Variants in PCSK1 observed in about 807,000 individuals in gnomAD.
PCSK1 encodes neuroendocrine convertase 1.
PCSK1 carries 56 observed loss-of-function variants against 90.6 expected under a neutral mutation model. The observed-to-expected ratio is 0.62, with a 90% CI of 0.50 to 0.77. The LOEUF (loss-of-function observed/expected upper bound fraction) is 0.77, where lower values mean the gene tolerates loss of function less well. Among genes scored for constraint, PCSK1 ranks in the 30% least tolerant of loss-of-function variants. The pLI is 0.00. For synonymous variants in PCSK1, 348 were observed against 342.4 expected (o/e 1.02, Z -0.18); for missense variants, 801 against 932.6 (o/e 0.86, Z 1.84).
At chr5:96,401,941 A>G (rs1306111423) in intron 9 of PCSK1, among the ~76,000 whole-genome samples, 1 of 152,236 alleles carries the variant, frequency 6.6e-6, no homozygotes, top group African/African-American at 2.4e-5. Context: ...GCTCCTAGTC[A>G]TCAGTCAGAT....
chr5:96,426,136 C>A (rs576511893), intron 2 of PCSK1, among the ~76,000 whole-genome samples: 1 of 152,112 alleles, frequency 6.6e-6, no homozygotes, highest in Non-Finnish European at 1.5e-5. Flanking sequence ...TAAAGTGCAC[C>A]TTTAGGGGGA....
At chr5:96,398,161 C>A (rs1039519781) in intron 11 of PCSK1, among the ~76,000 whole-genome samples, 1 of 152,106 alleles carries the variant, frequency 6.6e-6, no homozygotes, top group African/African-American at 2.4e-5. Context: ...GAAAGCATAA[C>A]TTCAAAATTA....
At position 96,391,965 on chromosome 5, in the gene PCSK1, T is replaced by C. The variant is rs1759959183; in HGVS notation, c.*1036A>G. The C allele has an allele frequency of 6.6e-6, 1 of 152,214 alleles. No individual in the cohort carries two copies. The highest frequency in any genetic ancestry group is 1.5e-5 in the Non-Finnish European group (1 of 68,042). 9.4% of individuals were successfully genotyped at this position (152,214 alleles called of 1,614,324 possible). A position where few individuals can be genotyped will look rare whatever the true frequency, so the allele number is the denominator to read the frequency against. ...AGTGATAGGATTGGAGAAGAACTTTTAGTATCAAGGAATAAACATTCAGTT... is the reference window on the plus strand; with the variant it reads ...AGTGATAGGATTGGAGAAGAACTTTCAGTATCAAGGAATAAACATTCAGTT... On this transcript the variant is annotated 3_prime_UTR_variant, in exon 14 of 14. Transcript: ENST00000311106.
intron 1 of PCSK1, 24 bp downstream of exon 1, chr5:96,432,839 T>C: frequency 1.2e-6 from 2 of 1,610,300 alleles, no homozygotes; most frequent in South Asian, 2.2e-5. Flanking sequence ...CCCCAGAAAG[T>C]TTCTTGAAAG....
chr5:96,413,687 C>A (rs1052989365), intron 6 of PCSK1, among the ~76,000 whole-genome samples: 1 of 151,296 alleles, frequency 6.6e-6, no homozygotes, highest in East Asian at 1.9e-4. Context: ...ATAATCCCAG[C>A]TACTCAGGAG....
At position 96,394,946 on chromosome 5, in the gene PCSK1, A is replaced by G; in HGVS notation, c.1802T>C (p.Met601Thr). ...GGACGTGTACACACGAGGCTGCTTCATATGCTCTGGCTGAGAAGAGGTCCC... is the reference window on the plus strand; with the variant it reads ...GGACGTGTACACACGAGGCTGCTTCGTATGCTCTGGCTGAGAAGAGGTCCC... ...LHGTSSQPEH[M>T]KQPRVYTSYN... Residue 601 changes from methionine (M) to threonine (T), a missense_variant, in exon 13 of 14, where the codon ATG (methionine) becomes ACG (threonine). Transcript: ENST00000311106. 6.2e-7 allele frequency: 1 copy of G among 1,614,074 alleles called. No individual in the cohort carries two copies. Among genetic ancestry groups the G allele is most frequent in the Non-Finnish European group, 8.5e-7 (1 of 1,179,914 alleles).
chr5:96,412,899 C>T, intron 6 of PCSK1: 1 of 774,184 alleles, frequency 1.3e-6, no homozygotes. Flanking sequence ...GCCCTCCCTC[C>T]CACCCCAACT....
Position 96,399,977 on chromosome 5 carries a change from A to G in PCSK1, c.1406T>C (p.Val469Ala), listed in dbSNP as rs747048344. 1.9e-6 allele frequency: 3 copies of G among 1,613,824 alleles called. No individual in the cohort carries two copies. The highest frequency in any genetic ancestry group is 2.5e-6 in the Non-Finnish European group (3 of 1,179,688). Residue 469 changes from valine (V) to alanine (A), a missense_variant, in exon 10 of 14, where the codon GTA (valine) becomes GCA (alanine). Coordinates refer to ENST00000311106, the MANE Select transcript of PCSK1 (RefSeq NM_000439.5). Reference protein sequence around the residue: ...RSVPEKKECVVKDNDFEPRAL... With the variant: ...RSVPEKKECVAKDNDFEPRAL... The stretch of plus-strand genomic sequence containing the variant: ...CCTGGGCTCAAAGTCATTGTCCTTT[A>G]CAACACACTCTTTCTTCTCAGGCAC...
At chr5:96,428,007 G>A (rs559250584) in intron 2 of PCSK1, among the ~76,000 whole-genome samples, 1 of 152,178 alleles carries the variant, frequency 6.6e-6, no homozygotes, top group East Asian at 1.9e-4. Context: ...GCTAGCAGTG[G>A]GTGTAGATGA....
intron 6 of PCSK1, among the ~76,000 whole-genome samples, chr5:96,413,343 A>G (rs1760833258): frequency 6.6e-6 from 1 of 152,212 alleles, no homozygotes; most frequent in Non-Finnish European, 1.5e-5. Context: ...AACAATCTGG[A>G]CAGATTACAG....
In PCSK1 at chr5:96,423,484, T is replaced by C. The variant is rs147925299; in HGVS notation, c.397-25A>G. The C allele has an allele frequency of 1.3e-3, 2,018 of 1,611,888 alleles. 1 individual carries two copies. The highest frequency in any genetic ancestry group is 1.6e-3 in the Admixed American group (94 of 59,990). On this transcript the variant is annotated intron_variant, in intron 3 of 13. Coordinates refer to ENST00000311106, the MANE Select transcript of PCSK1 (RefSeq NM_000439.5). ...GCTGGTAAAGAAAAACAACGAAGCA[T>C]TGATAAAATTATCATTTGCTTGCTA...
chr5:96,423,185 C>T (rs1360855121), intron 4 of PCSK1, 128 bp downstream of exon 4: 11 of 846,390 alleles, frequency 1.3e-5, no homozygotes, highest in South Asian at 5.8e-5. Flanking sequence ...GGAGAAGGGA[C>T]ATAACCTTGG....
rs752147178 is a variant in PCSK1 at position 96,397,510 on chromosome 5, T to A, written c.1589-41A>T. 3 of 1,534,630 alleles carry A rather than the reference T, an allele frequency of 2.0e-6. No homozygotes were observed. In the South Asian group the frequency reaches 3.4e-5, roughly 17 times the overall value. On this transcript the variant is annotated intron_variant, in intron 11 of 13. Transcript: ENST00000311106. ...AAGTTAATGAATGTCCTAATAGCTC[T>A]GATAGTAGGATACACTCTAGCATCT... is the stretch of plus-strand genomic sequence containing the variant.
chr5:96,408,473 G>A (rs1405786982), intron 8 of PCSK1, 150 bp from the exon 9 acceptor site: 26 of 687,868 alleles, frequency 3.8e-5, no homozygotes, highest in East Asian at 5.4e-5. Flanking sequence ...AACCACAGGC[G>A]GATGTTTGCC....
chr5:96,429,219 A>C lies in PCSK1; in HGVS notation c.279T>G (p.Asp93Glu), dbSNP rs762255140. ...ACAAATGTACAACACTTACACGATC[A>C]TCATCAGATAATCTCTTAGTGATAT... ...AFHITKRLSD[D>E]DRVIWAEQQY... The change falls in exon 2 of 14, where the codon GAT (aspartate) becomes GAG (glutamate). Residue 93 changes from aspartate (D) to glutamate (E), a missense_variant. Asp to Glu is a conservative substitution (Grantham distance 45, BLOSUM62 2). Transcript: ENST00000311106. 6.6e-7 allele frequency: 1 copy of C among 1,510,128 alleles called. No individual in the cohort carries two copies. Among genetic ancestry groups the C allele is most frequent in the East Asian group, 2.3e-5 (1 of 44,336 alleles). The allele number at this position is 1,510,128 out of a possible 1,614,324, so 93.5% of individuals were successfully genotyped here. A position where few individuals can be genotyped will look rare whatever the true frequency, so the allele number is the denominator to read the frequency against.
At chr5:96,401,086 CAAAAAA>C (rs35928091) in intron 9 of PCSK1, among the ~76,000 whole-genome samples, 19 of 70,574 alleles carry the variant, frequency 2.7e-4, no homozygotes, top group African/African-American at 9.4e-4. Flanking sequence ...GACTCCGTCT[CAAAAAA>C]AAAAAAAAAA....
At chr5:96,422,016 A>G (rs928209346) in intron 4 of PCSK1, 60 bp from the exon 5 acceptor site, 3 of 856,398 alleles carry the variant, frequency 3.5e-6, no homozygotes, top group African/African-American at 3.4e-5. Context: ...AAAAAAAAAA[A>G]AAAGCATCAC....
intron 9 of PCSK1, among the ~76,000 whole-genome samples, chr5:96,402,319 C>T (rs538921869): frequency 6.6e-6 from 1 of 152,316 alleles, no homozygotes; most frequent in South Asian, 2.1e-4. Context: ...GTTTGTGGCT[C>T]GCAGCCTCTG....
chr5:96,397,305 T>A (rs768051622), intron 12 of PCSK1, 31 bp downstream of exon 12: 1 of 1,601,968 alleles, frequency 6.2e-7, no homozygotes, highest in South Asian at 1.1e-5. Context: ...AAAGTAAGCT[T>A]GTGTTTTTTC....
Sources: allele counts gnomAD v4.1 joint callset (sites outside exome capture counted in the v4.1 genomes callset), GRCh38; gene constraint gnomAD v4.1.1; transcripts MANE v1.5; gene names NCBI Gene and HGNC (gene_info 2026-07-23, HGNC 2026-07-21).